PAX7: variants seen among roughly 807,000 people sequenced by gnomAD.
PAX7 encodes paired box protein Pax-7.
Under a neutral mutation model 50.7 loss-of-function variants are expected in PAX7, and 18 were observed. The ratio of observed to expected loss-of-function variants is 0.36; its 90% CI spans 0.25 to 0.53. The LOEUF (loss-of-function observed/expected upper bound fraction) is 0.53, where lower values mean the gene tolerates loss of function less well. Ranked by LOEUF, PAX7 falls within the 20% of genes least tolerant of loss-of-function variation. The probability of loss-of-function intolerance (pLI) is 0.93; values close to 1 mark genes in which losing one functional copy is unlikely to be tolerated. For missense variants in PAX7, 644 were observed against 702.9 expected (o/e 0.92, Z 0.95); for synonymous variants, 310 against 290.4 (o/e 1.07, Z -0.69).
chr1:18,647,363 GTCC>G (rs930814722), intron 4 of PAX7, among the ~76,000 whole-genome samples: 1 of 152,136 alleles, frequency 6.6e-6, no homozygotes, highest in Non-Finnish European at 1.5e-5. Context: ...AGGCTCTCTA[GTCC>G]TCCTCTGTGA....
At chr1:18,673,473 C>T (rs2088781794) in intron 4 of PAX7, among the ~76,000 whole-genome samples, 1 of 152,180 alleles carries the variant, frequency 6.6e-6, no homozygotes, top group South Asian at 2.1e-4. Context: ...GTACCACCCC[C>T]TGCTAGTTTA....
intron 7 of PAX7, among the ~76,000 whole-genome samples, chr1:18,729,484 A>G (rs888257352): frequency 3.3e-5 from 5 of 152,252 alleles, no homozygotes; most frequent in Admixed American, 6.5e-5. Context: ...AAGTGTGTGC[A>G]TGTGTAAGTG....
At chr1:18,702,477 G>T (rs1168784269) in intron 6 of PAX7, among the ~76,000 whole-genome samples, 2 of 152,110 alleles carry the variant, frequency 1.3e-5, no homozygotes. Flanking sequence ...AAGATAAATT[G>T]AACCAGTGTT....
intron 4 of PAX7, among the ~76,000 whole-genome samples, chr1:18,639,301 A>G (rs2088210254): frequency 6.6e-6 from 1 of 152,188 alleles, no homozygotes; most frequent in African/African-American, 2.4e-5. Flanking sequence ...AAGGGTTTTA[A>G]AGCAGATTAA....
intron 4 of PAX7, among the ~76,000 whole-genome samples, chr1:18,673,586 A>G (rs2088783879): frequency 6.6e-6 from 1 of 152,350 alleles, no homozygotes; most frequent in Non-Finnish European, 1.5e-5. Context: ...CCAGGGTGCG[A>G]GTAACAGATT....
intron 7 of PAX7, among the ~76,000 whole-genome samples, chr1:18,725,310 C>T (rs78044081): frequency 6.6e-5 from 3 of 45,278 alleles, no homozygotes; most frequent in East Asian, 4.1e-4. Context: ...ACGCCCCCCC[C>T]CCGCCCCACC....
rs141791095 is a variant in PAX7, at chr1:18,665,826, T to C, written c.587-25928T>C. On this transcript the variant is annotated intron_variant, in intron 4 of 8. Transcript: ENST00000420770. ...CTGGGACTACAGGCGTGCACCACCATGCCTGACTGATTTTTTTGTATTTTA... is the reference window on the plus strand; with the variant it reads ...CTGGGACTACAGGCGTGCACCACCACGCCTGACTGATTTTTTTGTATTTTA... Among the ~76,000 whole-genome samples, 511 of 152,118 alleles carry C rather than the reference T, an allele frequency of 3.4e-3. 1 individual carries two copies. The highest frequency in any genetic ancestry group is 6.8e-3 in the Middle Eastern group (2 of 294).
intron 4 of PAX7, among the ~76,000 whole-genome samples, chr1:18,639,709 A>T (rs1419527000): frequency 2.0e-5 from 3 of 152,188 alleles, no homozygotes; most frequent in Non-Finnish European, 4.4e-5. Context: ...CAATGGGTCA[A>T]ACCGTTCCTC....
intron 7 of PAX7, among the ~76,000 whole-genome samples, chr1:18,711,430 C>T (rs2089350418): frequency 6.6e-6 from 1 of 152,188 alleles, no homozygotes; most frequent in Admixed American, 6.5e-5. Context: ...GTTTCCTTCC[C>T]TCTGTTCCCT....
chr1:18,712,918 C>A (rs960693522), intron 7 of PAX7, among the ~76,000 whole-genome samples: 1 of 152,046 alleles, frequency 6.6e-6, no homozygotes, highest in Non-Finnish European at 1.5e-5. Flanking sequence ...CCCCCCTCTA[C>A]TAAAAATACA....
rs2088044628 is a variant in PAX7 at position 18,631,481 on chromosome 1, G to A, written c.-123G>A. 2.5e-6 allele frequency: 2 copies of A among 801,776 alleles called. No individual in the cohort carries two copies. The highest frequency in any genetic ancestry group is 2.2e-5 in the Admixed American group (1 of 46,366). The allele number at this position is 801,776 out of a possible 1,614,324, so 49.7% of individuals were successfully genotyped here. A position where few individuals can be genotyped will look rare whatever the true frequency, so the allele number is the denominator to read the frequency against. On this transcript the variant is annotated 5_prime_UTR_variant, in exon 1 of 9. Coordinates refer to ENST00000420770, the MANE Select transcript of PAX7 (RefSeq NM_001135254.2). The stretch of plus-strand genomic sequence containing the variant: ...GGGTAGGGAGTGTGTGTGGAGGGGA[G>A]GGAGAAGAGGTTAAAAAAAAGAAGA...
chr1:18,697,672 G>C (rs2089166886), intron 5 of PAX7, among the ~76,000 whole-genome samples: 1 of 152,106 alleles, frequency 6.6e-6, no homozygotes, highest in African/African-American at 2.4e-5. Context: ...GTGAACCTAG[G>C]GACATAGGAC....
In PAX7 at chr1:18,631,812, T is replaced by C; in HGVS notation, c.85+124T>C. The C allele has an allele frequency of 3.8e-6, 3 of 794,394 alleles. No individual in the cohort carries two copies. The South Asian group carries it at 4.7e-5, about 13-fold the overall frequency. 49.2% of individuals were successfully genotyped at this position (794,394 alleles called of 1,614,324 possible). The stretch of plus-strand genomic sequence containing the variant: ...ATAGCAGAGGGATCCCGTTCTCTTC[T>C]GGGTCCCAGTCCGGGCGCGGAACCC... On this transcript the variant is annotated intron_variant, in intron 1 of 8. Transcript: ENST00000420770.
chr1:18,704,446 CTT>C (rs2089259468), intron 7 of PAX7, among the ~76,000 whole-genome samples: 1 of 152,154 alleles, frequency 6.6e-6, no homozygotes, highest in Non-Finnish European at 1.5e-5. Flanking sequence ...TACGGTGAAA[CTT>C]TGTCTCTACA....
chr1:18,690,804 AC>A (rs1339418213), intron 4 of PAX7, among the ~76,000 whole-genome samples: 1 of 152,180 alleles, frequency 6.6e-6, no homozygotes, highest in African/African-American at 2.4e-5. Flanking sequence ...TCACTCAGAG[AC>A]CCTGGGACAT....
chr1:18,731,464 TGAGC>T (rs1413170294), intron 7 of PAX7, among the ~76,000 whole-genome samples: 1 of 152,138 alleles, frequency 6.6e-6, no homozygotes, highest in African/African-American at 2.4e-5. Context: ...TGGTTGTGGG[TGAGC>T]CCTTTTGCTT....
chr1:18,639,375 A>C (rs1285795176), intron 4 of PAX7, among the ~76,000 whole-genome samples: 1 of 148,584 alleles, frequency 6.7e-6, no homozygotes, highest in African/African-American at 2.5e-5. Flanking sequence ...CCTTGGGCTG[A>C]TATTCATGAG....
At chr1:18,645,281 G>T (rs1422583596) in intron 4 of PAX7, among the ~76,000 whole-genome samples, 1 of 152,262 alleles carries the variant, frequency 6.6e-6, no homozygotes, top group African/African-American at 2.4e-5. Flanking sequence ...TCGAGGGAGA[G>T]GCGGAGGGAG....
chr1:18,738,110 G>A (rs1009672222), intron 8 of PAX7, among the ~76,000 whole-genome samples: 3 of 152,044 alleles, frequency 2.0e-5, no homozygotes, highest in African/African-American at 4.8e-5. Flanking sequence ...TGTACATCTG[G>A]GTGTAGACAT....
Sources: gnomAD v4.1 joint callset for allele counts (sites outside exome capture counted in the v4.1 genomes callset) on GRCh38, gnomAD v4.1.1 for gene constraint, MANE v1.5 for transcripts, NCBI Gene and HGNC (gene_info 2026-07-23, HGNC 2026-07-21) for gene names.